The following MORN1 variants were observed in gnomAD, a reference collection of about 807,000 sequenced individuals.
MORN1 encodes MORN repeat containing 1.
In MORN1, 67 loss-of-function variants were observed where a neutral mutation model predicts 61.9. The ratio of observed to expected loss-of-function variants is 1.08; its 90% CI spans 0.89 to 1.33. MORN1 has a LOEUF of 1.33. Among genes scored for constraint, MORN1 ranks in the 40% most tolerant of loss-of-function variants. MORN1 has a pLI of 0.00. For synonymous variants in MORN1, 301 were observed against 292.0 expected (o/e 1.03, Z -0.31); for missense variants, 752 against 691.2 (o/e 1.09, Z -0.99).
intron 10 of MORN1, chr1:2,351,457 C>T (rs938015322): frequency 7.2e-5 from 12 of 166,444 alleles, no homozygotes; most frequent in South Asian, 1.4e-4. Context: ...GGTGCACTTG[C>T]GGGGGCCCAG....
chr1:2,387,717 C>T lies in MORN1; in HGVS notation c.248-188G>A, dbSNP rs185406724. On this transcript the variant is annotated intron_variant, in intron 3 of 13. Coordinates refer to ENST00000378531, the MANE Select transcript of MORN1 (RefSeq NM_024848.3). ...TAAGCAGGTCTGGTCTCCCCAACAG[C>T]TGGGCATGCAGACAGCCCCAGGCAG... is the stretch of plus-strand genomic sequence containing the variant. 2.7e-5 allele frequency: 16 copies of T among 595,776 alleles called. No homozygotes were observed. The Admixed American group carries it at 4.4e-4, about 16-fold the overall frequency. The allele number at this position is 595,776 out of a possible 1,614,324, so 36.9% of individuals were successfully genotyped here. A position where few individuals can be genotyped will look rare whatever the true frequency, so the allele number is the denominator to read the frequency against.
chr1:2,323,324 C>T (rs1386263858), intron 13 of MORN1: 1 of 985,328 alleles, frequency 1.0e-6, no homozygotes, highest in Admixed American at 6.2e-5. Flanking sequence ...TCCACGGTGG[C>T]ATCCAGACCC....
intron 10 of MORN1, among the ~76,000 whole-genome samples, chr1:2,340,997 G>A (rs902831864): frequency 6.6e-6 from 1 of 152,230 alleles, no homozygotes. Flanking sequence ...CTGTCCTACG[G>A]TCCTCTCCTC....
intron 6 of MORN1, chr1:2,377,343 G>A (rs2100348959): frequency 6.6e-6 from 1 of 152,428 alleles, no homozygotes; most frequent in Admixed American, 6.5e-5. Flanking sequence ...GGCGACCCCA[G>A]GACCACAAGG....
At chr1:2,382,922 C>G (rs995681656) in intron 6 of MORN1, among the ~76,000 whole-genome samples, 1 of 152,178 alleles carries the variant, frequency 6.6e-6, no homozygotes, top group African/African-American at 2.4e-5. Context: ...GTTTCAAGAG[C>G]AGGGAGGGTG....
At chr1:2,356,792 C>T (rs113994560) in intron 10 of MORN1, among the ~76,000 whole-genome samples, 1,786 of 152,318 alleles carry the variant, frequency 0.012, 37 homozygotes, top group African/African-American at 0.041. Context: ...CTGCTCGCTG[C>T]ACCGGAGGGA....
At chr1:2,379,976 C>T (rs1219463654) in intron 6 of MORN1, among the ~76,000 whole-genome samples, 2 of 152,190 alleles carry the variant, frequency 1.3e-5, no homozygotes, top group Non-Finnish European at 2.9e-5. Flanking sequence ...GGGAAGCCTC[C>T]CCAGAGTCCA....
chr1:2,348,265 C>T (rs1255297667), intron 10 of MORN1, among the ~76,000 whole-genome samples: 7 of 152,262 alleles, frequency 4.6e-5, no homozygotes, highest in African/African-American at 1.7e-4. Context: ...GGTTACGCAT[C>T]TTTGGCAGGA....
chr1:2,381,133 G>A (rs777222123), intron 6 of MORN1, among the ~76,000 whole-genome samples: 4 of 152,264 alleles, frequency 2.6e-5, no homozygotes, highest in Non-Finnish European at 4.4e-5. Flanking sequence ...GGACAGACCT[G>A]GTAATGTCTT....
At chr1:2,342,856 T>TATTTTA (rs1641425765) in intron 10 of MORN1, among the ~76,000 whole-genome samples, 1 of 109,474 alleles carries the variant, frequency 9.1e-6, no homozygotes, top group Non-Finnish European at 1.9e-5. Flanking sequence ...TATTTTATTT[T>TATTTTA]ATTTTATTTT....
In MORN1 at chr1:2,348,716, C is replaced by T. The variant is rs1416743888; in HGVS notation, c.1036+8716G>A. ...ACACACGCACGCACACGCACACCTGCGCGGGCACGCACACGCACACCTGCG... is the reference window on the plus strand; with the variant it reads ...ACACACGCACGCACACGCACACCTGTGCGGGCACGCACACGCACACCTGCG... On this transcript the variant is annotated intron_variant, in intron 10 of 13. Transcript: ENST00000378531. 3.6e-5 allele frequency among the ~76,000 whole-genome samples: 5 copies of T among 138,852 alleles called. 1 individual carries two copies. The highest frequency in any genetic ancestry group is 3.4e-3 in the Middle Eastern group (1 of 294). 91.1% of individuals were successfully genotyped at this position (138,852 alleles called of 152,430 possible). A position where few individuals can be genotyped will look rare whatever the true frequency, so the allele number is the denominator to read the frequency against.
chr1:2,349,859 T>A (rs564612728), intron 10 of MORN1, among the ~76,000 whole-genome samples: 1 of 152,276 alleles, frequency 6.6e-6, no homozygotes, highest in East Asian at 1.9e-4. Context: ...TCAGATCCGT[T>A]GAAAATATTC....
chr1:2,379,165 T>C (rs1289947649), intron 6 of MORN1: 1 of 471,138 alleles, frequency 2.1e-6, no homozygotes, highest in African/African-American at 2.0e-5. Flanking sequence ...CCTGAGCTCA[T>C]GGTGCCTGGG....
At chr1:2,369,211 G>A (rs1291625526) in intron 8 of MORN1, among the ~76,000 whole-genome samples, 1 of 151,798 alleles carries the variant, frequency 6.6e-6, no homozygotes, top group Admixed American at 6.6e-5. Context: ...AAAATTAGCC[G>A]GGCATGGTGG....
chr1:2,360,731 C>T (rs770031325), intron 8 of MORN1, among the ~76,000 whole-genome samples: 4 of 152,154 alleles, frequency 2.6e-5, no homozygotes, highest in Non-Finnish European at 2.9e-5. Context: ...CAAAACTCCA[C>T]GAGGCTGGGG....
Position 2,336,523 on chromosome 1 carries a change from C to T in MORN1, c.1196G>A (p.Gly399Asp). 1 of 1,612,776 alleles carries T rather than the reference C, an allele frequency of 6.2e-7. No homozygotes were observed. Residue 399 changes from glycine to aspartate, a missense_variant, in exon 12 of 14, where the codon GGC becomes GAC. Transcript: ENST00000378531. Reference protein sequence around the residue: ...HKKAGGRSRGGLHPRGTPPTA... With the variant: ...HKKAGGRSRGDLHPRGTPPTA... Reference sequence around the variant, plus strand: ...GGGTGGTGTCCCCCTGGGGTGCAGGCCGCCTCTGGATCTGCCGCCTGCCTT... The same window carrying T: ...GGGTGGTGTCCCCCTGGGGTGCAGGTCGCCTCTGGATCTGCCGCCTGCCTT...
intron 2 of MORN1, among the ~76,000 whole-genome samples, chr1:2,388,775 C>CAAAAAAA (rs57362688): frequency 3.1e-5 from 2 of 64,570 alleles, no homozygotes; most frequent in Admixed American, 2.0e-4. Flanking sequence ...AAGACTGTCT[C>CAAAAAAA]AAAAAAAAAA....
Position 2,336,560 on chromosome 1 carries a change from G to C in MORN1, c.1171-12C>G. ...CTGCCGCCTGCCTTCTAGAAAGATT[G>C]GGCAGGAGGAGGGGAGAAGGAAAGG... On this transcript the variant is annotated splice_polypyrimidine_tract_variant and intron_variant, in intron 11 of 13. Transcript: ENST00000378531. The C allele has an allele frequency of 6.2e-7, 1 of 1,612,384 alleles. No individual in the cohort carries two copies. The highest frequency in any genetic ancestry group is 8.5e-7 in the Non-Finnish European group (1 of 1,179,464).
At chr1:2,329,981 G>C (rs971385245) in intron 12 of MORN1, among the ~76,000 whole-genome samples, 1 of 152,068 alleles carries the variant, frequency 6.6e-6, no homozygotes, top group East Asian at 1.9e-4. Context: ...CTCCGGGTGA[G>C]GGGGGAGCTC....
Sources: allele counts gnomAD v4.1 joint callset (sites outside exome capture counted in the v4.1 genomes callset), GRCh38; gene constraint gnomAD v4.1.1; transcripts MANE v1.5; gene names NCBI Gene and HGNC (gene_info 2026-07-23, HGNC 2026-07-21).